PSG5: variants seen among roughly 807,000 people sequenced by gnomAD.
PSG5 encodes the protein pregnancy-specific beta-1-glycoprotein 5.
PSG5 carries 53 observed loss-of-function variants against 37.7 expected under a neutral mutation model. That is an observed-to-expected ratio of 1.41 (90% CI 1.13 to 1.77). The LOEUF (loss-of-function observed/expected upper bound fraction) is 1.77, where lower values mean the gene tolerates loss of function less well. Among genes scored for constraint, PSG5 ranks in the 40% most tolerant of loss-of-function variants. The pLI, the probability that PSG5 is intolerant of heterozygous loss-of-function variation, is 0.00. For missense variants in PSG5, 547 were observed against 405.2 expected (o/e 1.35, Z -3.00); for synonymous variants, 221 against 155.4 (o/e 1.42, Z -3.14).
At chr19:43,180,312 G>A (rs1484518631) in intron 2 of PSG5, 3 of 151,502 alleles carry the variant, frequency 2.0e-5, no homozygotes, top group Admixed American at 6.6e-5. Flanking sequence ...CAGATACAGT[G>A]CTCCTTATGC....
At chr19:43,182,372 G>A (rs1038554888) in intron 2 of PSG5, among the ~76,000 whole-genome samples, 2 of 150,564 alleles carry the variant, frequency 1.3e-5, no homozygotes, top group African/African-American at 4.9e-5. Flanking sequence ...TAGAACATGA[G>A]ATTGGTCTTT....
intron 5 of PSG5, among the ~76,000 whole-genome samples, chr19:43,169,535 G>C (rs1239181731): frequency 2.6e-5 from 4 of 151,610 alleles, no homozygotes; most frequent in Non-Finnish European, 2.9e-5. Flanking sequence ...ATTATACTAG[G>C]AAGTAGAGGT....
rs186052900 is a variant in PSG5, at chr19:43,182,602, T to C, written c.430+2180A>G. Among the ~76,000 whole-genome samples, 589 of 150,644 alleles carry C rather than the reference T, an allele frequency of 3.9e-3. 13 individuals carry two copies. Among genetic ancestry groups the C allele is most frequent in the African/African-American group, 0.013 (546 of 40,758 alleles). ...ATCCTTGAAAATCTCTAACCCCTGA[T>C]CCACTGGGGAGGCTGATTTGAGTAA... is the stretch of plus-strand genomic sequence containing the variant. On this transcript the variant is annotated intron_variant, in intron 2 of 5. Coordinates refer to ENST00000342951, the MANE Select transcript of PSG5 (RefSeq NM_002781.4).
chr19:43,176,198 T>C, intron 2 of PSG5, 50 bp from the exon 3 acceptor site: 1 of 1,592,626 alleles, frequency 6.3e-7, no homozygotes, highest in Non-Finnish European at 8.6e-7. Context: ...CTTTGATTCC[T>C]CCACAGGCAT....
chr19:43,185,241 C>G, intron 1 of PSG5, 94 bp from the exon 2 acceptor site: 1 of 1,413,432 alleles, frequency 7.1e-7, no homozygotes, highest in Admixed American at 2.2e-5. Context: ...CTTCAATCCT[C>G]AGCCTTGAAG....
chr19:43,169,062 G>A (rs898675504), intron 5 of PSG5, among the ~76,000 whole-genome samples: 2 of 151,560 alleles, frequency 1.3e-5, no homozygotes, highest in Non-Finnish European at 2.9e-5. Context: ...AATGGGTGGG[G>A]CTTGAGCATC....
chr19:43,174,984 G>C (rs1968974687), intron 4 of PSG5: 4 of 1,394,618 alleles, frequency 2.9e-6, no homozygotes, highest in Non-Finnish European at 2.9e-6. Flanking sequence ...GGCTGATAAA[G>C]CCCCCTCCCT....
In PSG5 at chr19:43,175,150, C is replaced by G. The variant is rs755316630; in HGVS notation, c.964+65G>C. On this transcript the variant is annotated intron_variant, in intron 4 of 5. Coordinates refer to ENST00000342951, the MANE Select transcript of PSG5 (RefSeq NM_002781.4). Reference sequence around the variant, plus strand: ...TGGGAATAAAAATGTTTTCCTAACTCTTCTCTGAAAGCCAGGTAGACTCCA... The same window carrying G: ...TGGGAATAAAAATGTTTTCCTAACTGTTCTCTGAAAGCCAGGTAGACTCCA... 23 of 1,611,024 alleles carry G rather than the reference C, an allele frequency of 1.4e-5. No homozygotes were observed. In the South Asian group the frequency reaches 2.5e-4, roughly 18 times the overall value.
Position 43,185,039 on chromosome 19 carries a change from A to C in PSG5, c.173T>G (p.Leu58Trp). Reference sequence around the variant, plus strand: ...GATGTAGCCAGCAAGATTCTGAGGCAAATTGTGGACAAGTAGAAGAACATC... The same window carrying C: ...GATGTAGCCAGCAAGATTCTGAGGCCAATTGTGGACAAGTAGAAGAACATC... The part of the protein sequence containing the change: ...GKDVLLLVHN[L>W]PQNLAGYIWY... Residue 58 changes from leucine to tryptophan, a missense_variant, in exon 2 of 6, where the codon TTG becomes TGG. Physicochemically the swap from Leu to Trp is moderately conservative, Grantham distance 61. Coordinates refer to ENST00000342951, the MANE Select transcript of PSG5 (RefSeq NM_002781.4). 6.2e-7 allele frequency: 1 copy of C among 1,612,688 alleles called. No homozygotes were observed. Among genetic ancestry groups the C allele is most frequent in the East Asian group, 2.2e-5 (1 of 44,866 alleles).
chr19:43,170,674 AG>A, intron 4 of PSG5: 1 of 205,286 alleles, frequency 4.9e-6, no homozygotes. Context: ...GACTGGTTGG[AG>A]GACTCCCCCT....
chr19:43,183,002 T>C lies in PSG5; in HGVS notation c.430+1780A>G, dbSNP rs13346670. Among the ~76,000 whole-genome samples, 832 of 150,476 alleles carry C rather than the reference T, an allele frequency of 5.5e-3. 14 individuals carry two copies. The highest frequency in any genetic ancestry group is 0.019 in the African/African-American group (759 of 40,582). On this transcript the variant is annotated intron_variant, in intron 2 of 5. Coordinates refer to ENST00000342951, the MANE Select transcript of PSG5 (RefSeq NM_002781.4). ...AAGGGAACAGAACAGCCAGCCTAGT[T>C]AGAGGGAGTGTCTGGGGAAGGCCTA...
chr19:43,177,920 G>T (rs368364564), intron 2 of PSG5, among the ~76,000 whole-genome samples: 1 of 129,274 alleles, frequency 7.7e-6, no homozygotes, highest in South Asian at 2.7e-4. Flanking sequence ...AGTTTTCAGG[G>T]TATAATCATT....
chr19:43,173,749 C>A (rs1968949333), intron 4 of PSG5, among the ~76,000 whole-genome samples: 1 of 151,592 alleles, frequency 6.6e-6, no homozygotes, highest in African/African-American at 2.4e-5. Flanking sequence ...AAAATTGGAG[C>A]TCTAGTGCAT....
At position 43,173,030 on chromosome 19, in the gene PSG5, A is replaced by C. The variant is rs745704045; in HGVS notation, c.964+2185T>G. 1.5e-4 allele frequency among the ~76,000 whole-genome samples: 23 copies of C among 151,720 alleles called. 2 individuals carry two copies. The highest frequency in any genetic ancestry group is 5.6e-4 in the African/African-American group (23 of 41,208). On this transcript the variant is annotated intron_variant, in intron 4 of 5. Transcript: ENST00000342951. ...GTGTGGTACTGGCATAAAGGAGGAC[A>C]TAGAAATTAATGAAATATCATAGCC...
intron 5 of PSG5, 73 bp downstream of exon 5, chr19:43,169,982 A>G: frequency 2.1e-6 from 2 of 950,094 alleles, no homozygotes; most frequent in Non-Finnish European, 3.3e-6. Flanking sequence ...ATACAAGCAA[A>G]TAAGTCTTTT....
chr19:43,170,389 A>T, intron 4 of PSG5: 1 of 518,332 alleles, frequency 1.9e-6, no homozygotes, highest in South Asian at 2.1e-5. Flanking sequence ...AGGCTTTCAG[A>T]CATAAGAAAG....
intron 2 of PSG5, among the ~76,000 whole-genome samples, 198 bp from the exon 3 acceptor site, chr19:43,176,346 G>T (rs1398632507): frequency 6.6e-6 from 1 of 151,546 alleles, no homozygotes; most frequent in Non-Finnish European, 1.5e-5. Context: ...TCTGTTTTAG[G>T]GAAGCACAGA....
chr19:43,178,870 G>T (rs1350391919), intron 2 of PSG5: 1 of 1,612,892 alleles, frequency 6.2e-7, no homozygotes, highest in Non-Finnish European at 8.5e-7. Context: ...AGGAACAGAG[G>T]ATACTCACGG....
chr19:43,170,454 G>T (rs1447633421), intron 4 of PSG5: 5 of 448,138 alleles, frequency 1.1e-5, no homozygotes, highest in East Asian at 1.2e-4. Flanking sequence ...CCTTTTCATG[G>T]TTGCATCTTT....
Sources: gnomAD v4.1 joint callset for allele counts (sites outside exome capture counted in the v4.1 genomes callset) on GRCh38, gnomAD v4.1.1 for gene constraint, MANE v1.5 for transcripts, NCBI Gene and HGNC (gene_info 2026-07-23, HGNC 2026-07-21) for gene names.